Variants in SPECC1L observed in about 807,000 individuals in gnomAD.
SPECC1L encodes cytospin-A.
SPECC1L carries 40 observed loss-of-function variants against 116.8 expected under a neutral mutation model. That is an observed-to-expected ratio of 0.34 (90% CI 0.27 to 0.45). SPECC1L has a LOEUF of 0.45. Ranked by LOEUF, SPECC1L falls within the 20% of genes least tolerant of loss-of-function variation. The pLI is 1.00. For missense variants in SPECC1L, 1,110 were observed against 1,373.6 expected, an observed-to-expected ratio of 0.81 and a Z score of 3.03; for synonymous variants, 504 against 500.6, an observed-to-expected ratio of 1.01 and a Z score of -0.09.
Position 24,305,085 on chromosome 22 carries a change from G to T in SPECC1L, c.153+2701G>T, listed in dbSNP as rs117454176. Among the ~76,000 whole-genome samples the T allele has an allele frequency of 7.4e-3, 1,128 of 152,320 alleles. 70 individuals carry two copies. The South Asian group carries it at 0.12, about 16-fold the overall frequency. On this transcript the variant is annotated intron_variant, in intron 3 of 16. Coordinates refer to ENST00000314328, the MANE Select transcript of SPECC1L (RefSeq NM_015330.6). ...TTTGTAGCAAAAATTAAAAGAAATAGGGAAAAATAGCAGAGAGCCTGCTAG... is the reference window on the plus strand; with the variant it reads ...TTTGTAGCAAAAATTAAAAGAAATATGGAAAAATAGCAGAGAGCCTGCTAG...
At chr22:24,295,272 T>G (rs1232204232) in intron 2 of SPECC1L, among the ~76,000 whole-genome samples, 2 of 150,902 alleles carry the variant, frequency 1.3e-5, no homozygotes, top group African/African-American at 4.9e-5. Context: ...TGGCAAATAT[T>G]TTAAATTTAA....
intron 4 of SPECC1L, among the ~76,000 whole-genome samples, chr22:24,320,765 T>G (rs1569419451): frequency 6.6e-6 from 1 of 152,246 alleles, no homozygotes; most frequent in African/African-American, 2.4e-5. Flanking sequence ...TTGCATTTAC[T>G]TTGGTCAGAG....
intron 11 of SPECC1L, 77 bp from the exon 12 acceptor site, chr22:24,363,184 C>A: frequency 7.6e-7 from 1 of 1,312,206 alleles, no homozygotes; most frequent in Non-Finnish European, 1.1e-6. Context: ...AGGAGTAAAA[C>A]TCACCTTCTT....
At position 24,327,013 on chromosome 22, in the gene SPECC1L, C is replaced by T. The variant is rs142570880; in HGVS notation, c.2147-1833C>T. Reference sequence around the variant, plus strand: ...CCAGAACACTGGCTGGGTGCAGTGGCTCATGCTTGTAATCCTAGCACTTTG... The same window carrying T: ...CCAGAACACTGGCTGGGTGCAGTGGTTCATGCTTGTAATCCTAGCACTTTG... On this transcript the variant is annotated intron_variant, in intron 6 of 16. Transcript: ENST00000314328. 1.3e-3 allele frequency among the ~76,000 whole-genome samples: 193 copies of T among 152,224 alleles called. 1 individual carries two copies. The highest frequency in any genetic ancestry group is 4.0e-3 in the African/African-American group (166 of 41,540).
rs2042767260 is a variant in SPECC1L, at chr22:24,414,573, C to T, written c.3304C>T (p.Gln1102Ter). The change falls in exon 17 of 17, where the codon CAG becomes TAG. Residue 1102 changes from glutamine to a stop codon, truncating the protein, a stop_gained. Transcript: ENST00000314328. LOFTEE classifies it high-confidence loss of function. ...GGTACGGACTGAACGACCCGACTGGCAGAACGTGATGCTGTATGTGACGGC... is the reference window on the plus strand; with the variant it reads ...GGTACGGACTGAACGACCCGACTGGTAGAACGTGATGCTGTATGTGACGGC... ...EMVRTERPDWQNVMLYVTAIY... is the reference protein window; with the variant it reads ...EMVRTERPDW 6.2e-7 allele frequency: 1 copy of T among 1,613,886 alleles called. No homozygotes were observed. The highest frequency in any genetic ancestry group is 8.5e-7 in the Non-Finnish European group (1 of 1,179,994).
chr22:24,324,213 T>C lies in SPECC1L; in HGVS notation c.1939-7T>C. On this transcript the variant is annotated splice_polypyrimidine_tract_variant and splice_region_variant and intron_variant, in intron 5 of 16. Coordinates refer to ENST00000314328, the MANE Select transcript of SPECC1L (RefSeq NM_015330.6). ...TTTTCTAAATCTGCATCGTCAATTT[T>C]ACGTAGGTAGAGGATGAATACCGAG... The C allele has an allele frequency of 6.2e-7, 1 of 1,612,312 alleles. No individual in the cohort carries two copies. Among genetic ancestry groups the C allele is most frequent in the Non-Finnish European group, 8.5e-7 (1 of 1,178,536 alleles).
At position 24,276,794 on chromosome 22, in the gene SPECC1L, A is replaced by G; in HGVS notation, c.-47A>G. 2.2e-6 allele frequency: 1 copy of G among 453,528 alleles called. No homozygotes were observed. The highest frequency in any genetic ancestry group is 4.4e-6 in the Non-Finnish European group (1 of 226,618). 28.1% of individuals were successfully genotyped at this position (453,528 alleles called of 1,614,324 possible). A position where few individuals can be genotyped will look rare whatever the true frequency, so the allele number is the denominator to read the frequency against. ...GTCCGATGGGGCTACTTTATTCCAG[A>G]ACAATCACAGTGAGACCTTTTCTCC... On this transcript the variant is annotated 5_prime_UTR_variant, in exon 2 of 17. Transcript: ENST00000314328.
chr22:24,324,274 T>A lies in SPECC1L; in HGVS notation c.1993T>A (p.Leu665Met), dbSNP rs745965415. ...AGAAGCTAAGAAACAAATTGAAGAT[T>A]TGAATATGACGTTAGAAAAATTAAG... ...QEEAKKQIED[L>M]NMTLEKLRSD... The change falls in exon 6 of 17, where the codon TTG (leucine) becomes ATG (methionine). Residue 665 changes from leucine (L) to methionine (M), a missense_variant. By Grantham distance (15) the Leu-to-Met change is conservative. Transcript: ENST00000314328. 1.2e-5 allele frequency: 19 copies of A among 1,613,954 alleles called. No homozygotes were observed. In the South Asian group the frequency reaches 2.1e-4, roughly 18 times the overall value.
chr22:24,365,129 T>C (rs1325524629), intron 12 of SPECC1L, among the ~76,000 whole-genome samples: 1 of 152,114 alleles, frequency 6.6e-6, no homozygotes, highest in Non-Finnish European at 1.5e-5. Context: ...TGCCCCAGCC[T>C]CCCATGTAGC....
chr22:24,328,754 TCGAA>T, intron 6 of SPECC1L, 88 bp from the exon 7 acceptor site: 2 of 992,792 alleles, frequency 2.0e-6, no homozygotes, highest in Admixed American at 2.1e-5. Context: ...ATAACTTTTT[TCGAA>T]TGTCATATTT....
chr22:24,294,384 CT>C (rs554852361), intron 2 of SPECC1L, among the ~76,000 whole-genome samples: 3,344 of 135,382 alleles, frequency 0.025, 40 homozygotes, highest in South Asian at 0.071. Context: ...TGTCCTAGTC[CT>C]TTTTTTTTTT....
intron 14 of SPECC1L, among the ~76,000 whole-genome samples, chr22:24,381,777 G>A (rs1480506968): frequency 2.0e-5 from 3 of 152,118 alleles, no homozygotes; most frequent in East Asian, 1.9e-4. Context: ...CCAGCTACTC[G>A]GGAGGCTAAG....
At chr22:24,340,092 G>A (rs1020678440) in intron 10 of SPECC1L, among the ~76,000 whole-genome samples, 3 of 145,896 alleles carry the variant, frequency 2.1e-5, no homozygotes, top group South Asian at 2.2e-4. Flanking sequence ...ACATTATGTC[G>A]TAATTTAAAA....
intron 2 of SPECC1L, among the ~76,000 whole-genome samples, chr22:24,281,769 T>C (rs2048948203): frequency 6.6e-6 from 1 of 152,018 alleles, no homozygotes; most frequent in African/African-American, 2.4e-5. Flanking sequence ...TGAATGCCTT[T>C]TATTTGTTTT....
intron 6 of SPECC1L, among the ~76,000 whole-genome samples, chr22:24,326,896 T>C (rs564815206): frequency 1.6e-4 from 25 of 152,312 alleles, no homozygotes; most frequent in African/African-American, 6.0e-4. Flanking sequence ...ACAGCATTAT[T>C]ATTTATTTGT....
intron 14 of SPECC1L, among the ~76,000 whole-genome samples, chr22:24,411,030 CA>C (rs58337803): frequency 6.7e-6 from 1 of 150,076 alleles, no homozygotes; most frequent in African/African-American, 2.5e-5. Flanking sequence ...ACTGAAAATA[CA>C]AAAAAAAATA....
At chr22:24,302,478 G>C (rs1406291547) in intron 3 of SPECC1L, 94 bp downstream of exon 3, 1 of 1,505,794 alleles carries the variant, frequency 6.6e-7, no homozygotes, top group Non-Finnish European at 9.2e-7. Context: ...TTAGGGGTGT[G>C]CCCTCTTCTG....
At chr22:24,288,468 G>T (rs1014895497) in intron 2 of SPECC1L, among the ~76,000 whole-genome samples, 7 of 151,864 alleles carry the variant, frequency 4.6e-5, no homozygotes, top group Non-Finnish European at 7.4e-5. Flanking sequence ...CAGGGAAAAA[G>T]AACTTCTTAG....
At chr22:24,317,115 G>C (rs1194178310) in intron 4 of SPECC1L, among the ~76,000 whole-genome samples, 1 of 116,748 alleles carries the variant, frequency 8.6e-6, no homozygotes, top group Non-Finnish European at 1.9e-5. Context: ...CCTGGACGGG[G>C]CGGCTGGCTG....
Sources: gnomAD v4.1 joint callset for allele counts (sites outside exome capture counted in the v4.1 genomes callset) on GRCh38, gnomAD v4.1.1 for gene constraint, MANE v1.5 for transcripts, NCBI Gene and HGNC (gene_info 2026-07-23, HGNC 2026-07-21) for gene names.